The following EXOC6B variants were observed in gnomAD, a reference collection of about 807,000 sequenced individuals.
EXOC6B encodes SEC15 homolog B.
In EXOC6B, 54 loss-of-function variants were observed where a neutral mutation model predicts 113.5. The ratio of observed to expected loss-of-function variants is 0.48; its 90% CI spans 0.38 to 0.60. The LOEUF is 0.60. Among genes scored for constraint, EXOC6B ranks in the 20% least tolerant of loss-of-function variants. The pLI is 0.00. For synonymous variants in EXOC6B, 357 were observed against 339.0 expected (o/e 1.05, Z -0.58); for missense variants, 797 against 977.5 (o/e 0.82, Z 2.46).
intron 1 of EXOC6B, among the ~76,000 whole-genome samples, chr2:72,768,309 G>A (rs1388182826): frequency 3.5e-5 from 3 of 85,986 alleles, no homozygotes; most frequent in Admixed American, 1.6e-4. Flanking sequence ...TTTTTTTTTC[G>A]AGACAGAGTT....
intron 6 of EXOC6B, among the ~76,000 whole-genome samples, chr2:72,583,560 G>A (rs1705356849): frequency 6.6e-6 from 1 of 152,108 alleles, no homozygotes; most frequent in Non-Finnish European, 1.5e-5. Context: ...TTTCAGTATT[G>A]TTACAGAAGA....
At chr2:72,756,169 T>A (rs900242746) in intron 1 of EXOC6B, among the ~76,000 whole-genome samples, 3 of 152,282 alleles carry the variant, frequency 2.0e-5, no homozygotes, top group Middle Eastern at 3.4e-3. Flanking sequence ...GAACTCTGTA[T>A]CATAATGATA....
At chr2:72,475,237 G>A (rs1351444477) in intron 17 of EXOC6B, among the ~76,000 whole-genome samples, 1 of 152,132 alleles carries the variant, frequency 6.6e-6, no homozygotes. Flanking sequence ...CAGATTACTT[G>A]GATGCCAGCA....
chr2:72,636,662 A>G (rs1355925072), intron 6 of EXOC6B, among the ~76,000 whole-genome samples: 1 of 152,246 alleles, frequency 6.6e-6, no homozygotes, highest in African/African-American at 2.4e-5. Flanking sequence ...TTCTCAGAAT[A>G]CTAGAAATAG....
chr2:72,611,963 AAAC>A lies in EXOC6B; in HGVS notation c.670-36298_670-36296del, dbSNP rs141656857. Among the ~76,000 whole-genome samples the A allele has an allele frequency of 7.9e-3, 1,211 of 152,344 alleles. 15 individuals carry two copies. Among genetic ancestry groups the A allele is most frequent in the African/African-American group, 0.028 (1,164 of 41,582 alleles). ...AAGCATAGAAAGAAGACTATAAATT[AAAC>A]AATAAATATTTCACATTAAAAATTA... is the stretch of plus-strand genomic sequence containing the variant. On this transcript the variant is annotated intron_variant, in intron 6 of 21. Coordinates refer to ENST00000272427, the MANE Select transcript of EXOC6B (RefSeq NM_015189.3).
chr2:72,295,789 A>G (rs1203686453), intron 20 of EXOC6B, among the ~76,000 whole-genome samples: 2 of 152,200 alleles, frequency 1.3e-5, no homozygotes, highest in Non-Finnish European at 2.9e-5. Flanking sequence ...ACTATATCAC[A>G]TTTTAAACTC....
rs547560647 is a variant in EXOC6B, at chr2:72,813,459, T to C, written c.113+12339A>G. On this transcript the variant is annotated intron_variant, in intron 1 of 21. Transcript: ENST00000272427. ...CATTTAAAATGCCTCTAATAATCTA[T>C]TTTTCTTGGGGTTTCAAGAGCTTTT... 3.9e-5 allele frequency among the ~76,000 whole-genome samples: 6 copies of C among 152,290 alleles called. No homozygotes were observed. In the South Asian group the frequency reaches 1.2e-3, roughly 32 times the overall value.
intron 1 of EXOC6B, among the ~76,000 whole-genome samples, chr2:72,815,181 G>A (rs1235699987): frequency 2.6e-5 from 4 of 151,476 alleles, no homozygotes; most frequent in Non-Finnish European, 5.9e-5. Context: ...TACCCTGGGC[G>A]CCCAAATATC....
intron 7 of EXOC6B, among the ~76,000 whole-genome samples, chr2:72,563,451 T>C (rs891592231): frequency 3.9e-5 from 6 of 152,160 alleles, no homozygotes; most frequent in Admixed American, 6.6e-5. Flanking sequence ...TGGAATATAT[T>C]TGTTGTTAAA....
At chr2:72,324,418 T>A (rs571502527) in intron 20 of EXOC6B, among the ~76,000 whole-genome samples, 3 of 152,272 alleles carry the variant, frequency 2.0e-5, no homozygotes, top group South Asian at 4.2e-4. Context: ...AAGAGTTAAG[T>A]GATCACTCCA....
At chr2:72,540,818 A>G (rs529719802) in intron 8 of EXOC6B, among the ~76,000 whole-genome samples, 8 of 152,330 alleles carry the variant, frequency 5.3e-5, no homozygotes, top group Admixed American at 2.0e-4. Context: ...CAGTAATATT[A>G]AGTGGCTATG....
intron 18 of EXOC6B, among the ~76,000 whole-genome samples, chr2:72,402,460 C>A (rs966887891): frequency 7.2e-6 from 1 of 139,480 alleles, no homozygotes; most frequent in East Asian, 1.9e-4. Context: ...CTTCATATGG[C>A]CTTCAGTTAC....
intron 20 of EXOC6B, among the ~76,000 whole-genome samples, chr2:72,325,273 C>T (rs1364070977): frequency 2.0e-5 from 3 of 151,994 alleles, no homozygotes; most frequent in Non-Finnish European, 2.9e-5. Context: ...ATGATCCTGG[C>T]GAATCAAGAA....
chr2:72,823,512 AGT>A (rs1231354845), intron 1 of EXOC6B, among the ~76,000 whole-genome samples: 9 of 149,996 alleles, frequency 6.0e-5, no homozygotes. Context: ...GGCCAGGCAC[AGT>A]GGCTCAAGCC....
intron 6 of EXOC6B, among the ~76,000 whole-genome samples, chr2:72,660,985 C>A (rs1327365872): frequency 6.6e-6 from 1 of 151,834 alleles, no homozygotes; most frequent in Non-Finnish European, 1.5e-5. Flanking sequence ...TTTTCTCTTT[C>A]TTTTCTCTAT....
intron 20 of EXOC6B, among the ~76,000 whole-genome samples, chr2:72,188,841 T>C (rs891326397): frequency 2.0e-5 from 3 of 152,202 alleles, no homozygotes; most frequent in African/African-American, 4.8e-5. Flanking sequence ...GAGCAACATA[T>C]TGCTTCCATC....
intron 6 of EXOC6B, among the ~76,000 whole-genome samples, chr2:72,585,820 TA>T (rs1278835266): frequency 2.0e-5 from 3 of 151,514 alleles, no homozygotes; most frequent in Non-Finnish European, 4.4e-5. Context: ...CCTACCAACC[TA>T]AAAAAAGCCC....
intron 17 of EXOC6B, among the ~76,000 whole-genome samples, chr2:72,471,928 T>A (rs1403319531): frequency 6.6e-6 from 1 of 152,198 alleles, no homozygotes; most frequent in Non-Finnish European, 1.5e-5. Context: ...GTTTTAATTG[T>A]GAAGGGATGT....
intron 18 of EXOC6B, among the ~76,000 whole-genome samples, chr2:72,455,731 T>A (rs1200151143): frequency 6.6e-6 from 1 of 152,114 alleles, no homozygotes; most frequent in Admixed American, 6.5e-5. Context: ...TGAGAATATA[T>A]ATTAATACCT....
Sources: gnomAD v4.1 joint callset for allele counts (sites outside exome capture counted in the v4.1 genomes callset) on GRCh38, gnomAD v4.1.1 for gene constraint, MANE v1.5 for transcripts, NCBI Gene and HGNC (gene_info 2026-07-23, HGNC 2026-07-21) for gene names.